The following NINJ2 variants were observed in gnomAD, a reference collection of about 807,000 sequenced individuals.
NINJ2 encodes the protein ninjurin-2.
A neutral mutation model predicts 11.7 loss-of-function variants in NINJ2; 12 were observed. That is an observed-to-expected ratio of 1.02 (90% CI 0.66 to 1.66). NINJ2 has a LOEUF of 1.66. Among genes scored for constraint, NINJ2 ranks in the 40% most tolerant of loss-of-function variants. The pLI is 0.00. For synonymous variants in NINJ2, 93 were observed against 76.8 expected, an observed-to-expected ratio of 1.21 and a Z score of -1.10; for missense variants, 187 against 181.8, an observed-to-expected ratio of 1.03 and a Z score of -0.16.
chr12:628,933 TCTCCTTCCCAAAAAG>T lies in NINJ2; in HGVS notation c.33+34380_33+34394del, dbSNP rs1948238688. On this transcript the variant is annotated intron_variant, in intron 1 of 3. Coordinates refer to ENST00000305108, the MANE Select transcript of NINJ2 (RefSeq NM_016533.6). The surrounding 1 kb of genome is among the most constrained non-coding windows in gnomAD (Gnocchi z 4.4). ...AACTGGGGGAGGGGGAAAATCTCCA[TCTCCTTCCCAAAAAG>T]CTCATGAATAACCCACCCCTTGTTT... Among the ~76,000 whole-genome samples, 1 of 152,056 alleles carries T rather than the reference TCTCCTTCCCAAAAAG, an allele frequency of 6.6e-6. No individual in the cohort carries two copies. The highest frequency in any genetic ancestry group is 1.5e-5 in the Non-Finnish European group (1 of 68,012).
Position 565,280 on chromosome 12 carries a change from A to G in NINJ2, c.384T>C (p.His128=), listed in dbSNP as rs1178571174. Residue 128 remains histidine (H), a synonymous_variant, in exon 3 of 4, where the codon CAT becomes CAC. Transcript: ENST00000305108. ...CCCTGGCAGCCAGGAACCCTGTTTT[A>G]TGTGCCCCGAAGGCTGTAATGAAAA... is the stretch of plus-strand genomic sequence containing the variant. ...INVFITAFGA[H]KTGFLAARAS... is the part of the protein sequence containing the mutation. The G allele has an allele frequency of 6.2e-7, 1 of 1,614,044 alleles. No individual in the cohort carries two copies. The highest frequency in any genetic ancestry group is 1.3e-5 in the African/African-American group (1 of 74,930).
chr12:606,023 C>G (rs1432099242), intron 1 of NINJ2, among the ~76,000 whole-genome samples: 1 of 152,116 alleles, frequency 6.6e-6, no homozygotes, highest in Non-Finnish European at 1.5e-5. Flanking sequence ...GTAATAAGAA[C>G]TGTGTCTTAT....
rs1948112925 is a variant in NINJ2, at chr12:618,046, CTG to C, written c.33+45280_33+45281del. Reference sequence around the variant, plus strand: ...TCTGATTTACGGATTTAATGTCAGACTGCATAAAAGCCTCCTCTCTCTCCTTC... The same window carrying C: ...TCTGATTTACGGATTTAATGTCAGACCATAAAAGCCTCCTCTCTCTCCTTC... On this transcript the variant is annotated intron_variant, in intron 1 of 3. Coordinates refer to ENST00000305108, the MANE Select transcript of NINJ2 (RefSeq NM_016533.6). Among the ~76,000 whole-genome samples, 9 of 151,992 alleles carry C rather than the reference CTG, an allele frequency of 5.9e-5. No homozygotes were observed. In the South Asian group the frequency reaches 1.9e-3, roughly 32 times the overall value.
intron 1 of NINJ2, among the ~76,000 whole-genome samples, chr12:654,050 C>T (rs1334769707): frequency 1.3e-5 from 2 of 152,046 alleles, no homozygotes. Context: ...AAGAAAATAG[C>T]TGGGTGTGGT....
intron 1 of NINJ2, among the ~76,000 whole-genome samples, chr12:579,172 C>G (rs1190411375): frequency 3.3e-5 from 5 of 152,156 alleles, no homozygotes; most frequent in African/African-American, 1.2e-4. Flanking sequence ...GAATAAGAAG[C>G]AATGAGAGCT....
At chr12:645,448 A>C (rs1937662354) in intron 1 of NINJ2, 1 of 152,196 alleles carries the variant, frequency 6.6e-6, no homozygotes, top group Non-Finnish European at 1.5e-5. Context: ...AAATCTGCTT[A>C]AGTTTTCTCT....
At chr12:587,849 C>T (rs141547989) in intron 1 of NINJ2, among the ~76,000 whole-genome samples, 2 of 152,342 alleles carry the variant, frequency 1.3e-5, no homozygotes, top group East Asian at 3.9e-4. Flanking sequence ...TGGTTATTTC[C>T]ACCACAGGGC....
At position 581,654 on chromosome 12, in the gene NINJ2, A is replaced by C. The variant is rs11063710; in HGVS notation, c.34-15476T>G. 0.27 allele frequency among the ~76,000 whole-genome samples: 40,985 copies of C among 151,976 alleles called. 5,869 individuals carry two copies. The highest frequency in any genetic ancestry group is 0.37 in the South Asian group (1,798 of 4,814). On this transcript the variant is annotated intron_variant, in intron 1 of 3. Coordinates refer to ENST00000305108, the MANE Select transcript of NINJ2 (RefSeq NM_016533.6). The surrounding 1 kb of genome is among the most constrained non-coding windows in gnomAD (Gnocchi z 4.9). ...GGGGCCAGGGTCTGCTCTGGGGAGAAGGTAAGCAGGGGAGGGCCGGCAAGT... is the reference window on the plus strand; with the variant it reads ...GGGGCCAGGGTCTGCTCTGGGGAGACGGTAAGCAGGGGAGGGCCGGCAAGT...
intron 1 of NINJ2, among the ~76,000 whole-genome samples, chr12:652,947 C>CA (rs760841339): frequency 0.012 from 778 of 64,482 alleles, 6 homozygotes; most frequent in African/African-American, 0.025. Flanking sequence ...AACTCTGTCT[C>CA]AAAAAAAAAA....
chr12:657,273 A>G (rs555138299), intron 1 of NINJ2, among the ~76,000 whole-genome samples: 63 of 152,332 alleles, frequency 4.1e-4, no homozygotes, highest in African/African-American at 1.2e-3. Context: ...TCCAAAACAG[A>G]CAAAGAATCT....
At chr12:611,247 C>CTCTCTCTCTTTCTT (rs1948026804) in intron 1 of NINJ2, among the ~76,000 whole-genome samples, 1 of 102,718 alleles carries the variant, frequency 9.7e-6, no homozygotes, top group African/African-American at 4.1e-5. Context: ...TTCTTTCTTT[C>CTCTCTCTCTTTCTT]TCTCTCTCTC....
intron 1 of NINJ2, among the ~76,000 whole-genome samples, chr12:619,702 T>A (rs2120371679): frequency 6.6e-6 from 1 of 152,222 alleles, no homozygotes; most frequent in Non-Finnish European, 1.5e-5. Context: ...GAATGATTCC[T>A]TGGGAAAAGG....
Position 657,787 on chromosome 12 carries a change from T to G in NINJ2, c.33+5541A>C, listed in dbSNP as rs372680069. On this transcript the variant is annotated intron_variant, in intron 1 of 3. Coordinates refer to ENST00000305108, the MANE Select transcript of NINJ2 (RefSeq NM_016533.6). ...CTAGAATGGCCAACATCCAGAACACTGACAATACCAAATGCTGATGAGAAT... is the reference window on the plus strand; with the variant it reads ...CTAGAATGGCCAACATCCAGAACACGGACAATACCAAATGCTGATGAGAAT... 3.9e-5 allele frequency among the ~76,000 whole-genome samples: 6 copies of G among 152,206 alleles called. No individual in the cohort carries two copies. In the East Asian group the frequency reaches 7.7e-4, roughly 20 times the overall value.
At chr12:583,202 CAGGCAGGCAGGCATGCTAGTGT>C (rs1947582426) in intron 1 of NINJ2, among the ~76,000 whole-genome samples, 1 of 146,446 alleles carries the variant, frequency 6.8e-6, no homozygotes, top group Non-Finnish European at 1.5e-5. Flanking sequence ...TGAATGGGTG[CAGGCAGGCAGGCATGCTAGTGT>C]GAATGAATGA....
intron 1 of NINJ2, among the ~76,000 whole-genome samples, chr12:601,372 C>T (rs932135492): frequency 1.1e-4 from 16 of 151,222 alleles, no homozygotes; most frequent in Non-Finnish European, 1.9e-4. Flanking sequence ...CAGTGAAACC[C>T]CGTCTCTACT....
intron 1 of NINJ2, among the ~76,000 whole-genome samples, chr12:572,604 A>T (rs1310102062): frequency 4.6e-5 from 7 of 152,186 alleles, no homozygotes; most frequent in Non-Finnish European, 8.8e-5. Flanking sequence ...GTGTGCACAC[A>T]CAGTGGGCTC....
At chr12:605,658 A>G (rs2120922408) in intron 1 of NINJ2, among the ~76,000 whole-genome samples, 1 of 152,358 alleles carries the variant, frequency 6.6e-6, no homozygotes, top group South Asian at 2.1e-4. Context: ...ACATTTCTGC[A>G]TTGAAGCTCC....
Position 628,049 on chromosome 12 carries a change from A to C in NINJ2, c.33+35279T>G, listed in dbSNP as rs370972469. ...TCCTCTTTCACACCCTGTGCCAGAC[A>C]GAAGGCCTGGGAGTGAAAAGACTGG... On this transcript the variant is annotated intron_variant, in intron 1 of 3. Transcript: ENST00000305108. The surrounding 1 kb of genome is among the most constrained non-coding windows in gnomAD (Gnocchi z 4.4). 1.1e-3 allele frequency among the ~76,000 whole-genome samples: 175 copies of C among 152,298 alleles called. 2 individuals are homozygous for C. The highest frequency in any genetic ancestry group is 4.1e-3 in the African/African-American group (170 of 41,590).
At chr12:642,843 G>A (rs1466793052) in intron 1 of NINJ2, 2 of 151,418 alleles carry the variant, frequency 1.3e-5, no homozygotes, top group Non-Finnish European at 3.0e-5. Context: ...GCGGGAAGTG[G>A]GCTCGGGGCC....
Sources: allele counts gnomAD v4.1 joint callset (sites outside exome capture counted in the v4.1 genomes callset), GRCh38; gene constraint gnomAD v4.1.1; non-coding constraint Gnocchi (gnomAD v3.1); transcripts MANE v1.5; gene names NCBI Gene and HGNC (gene_info 2026-07-23, HGNC 2026-07-21).